Variants in ARFGEF3 observed in about 807,000 individuals in gnomAD.
The protein encoded by ARFGEF3 is ARFGEF family member 3.
A neutral mutation model predicts 221.7 loss-of-function variants in ARFGEF3; 96 were observed. The observed-to-expected ratio is 0.43, with a 90% confidence interval of 0.37 to 0.51. The LOEUF is 0.51. Ranked by LOEUF, ARFGEF3 falls within the 20% of genes least tolerant of loss-of-function variation. The pLI, the probability that ARFGEF3 is intolerant of heterozygous loss-of-function variation, is 0.00. For missense variants in ARFGEF3, 2,410 were observed against 2,789.9 expected (o/e 0.86, Z 3.07); for synonymous variants, 1,145 against 1,126.8 (o/e 1.02, Z -0.32).
Position 138,334,091 on chromosome 6 carries a change from C to G in ARFGEF3, c.5245C>G (p.Gln1749Glu), listed in dbSNP as rs1190627394. The change falls in exon 33 of 34, where the codon CAA (glutamine) becomes GAA (glutamate). Residue 1749 changes from glutamine (Q) to glutamate (E), a missense_variant. Physicochemically the swap from Gln to Glu is conservative, Grantham distance 29 (BLOSUM62 2). This residue lies in a region of ARFGEF3 where 723 missense variants were observed against 991.9 expected (regional missense o/e 0.73). Coordinates refer to ENST00000251691, the MANE Select transcript of ARFGEF3 (RefSeq NM_020340.5). This position sits in a 1 kb window ranked among gnomAD's most constrained non-coding sequence, Gnocchi z 5.1. ...GPSPGEEKTIQVPEAKLAGFL... is the reference protein window; with the variant it reads ...GPSPGEEKTIEVPEAKLAGFL... ...CTCTCCTGGAGAGGAAAAGACGATA[C>G]AAGTGCCAGAAGCCAAGCTGGCTGG... is the stretch of plus-strand genomic sequence containing the variant. 6 of 1,613,788 alleles carry G rather than the reference C, an allele frequency of 3.7e-6. No individual in the cohort carries two copies. In the African/African-American group the frequency reaches 5.3e-5, roughly 14 times the overall value.
chr6:138,196,668 A>G (rs1353601838), intron 2 of ARFGEF3, among the ~76,000 whole-genome samples: 1 of 152,194 alleles, frequency 6.6e-6, no homozygotes, highest in Non-Finnish European at 1.5e-5. Flanking sequence ...TGTTTCTTCA[A>G]TAGTAAGTTA....
intron 22 of ARFGEF3, among the ~76,000 whole-genome samples, chr6:138,306,966 A>G (rs1437078543): frequency 1.3e-5 from 2 of 151,742 alleles, no homozygotes; most frequent in Non-Finnish European, 2.9e-5. Flanking sequence ...AAAAAAAAAA[A>G]AAAAAGAAAA....
chr6:138,287,569 T>A (rs749522210), intron 17 of ARFGEF3, among the ~76,000 whole-genome samples: 7 of 152,206 alleles, frequency 4.6e-5, no homozygotes, highest in Admixed American at 3.3e-4. Flanking sequence ...AAGGGGAAAT[T>A]AAGCAGACGA....
intron 21 of ARFGEF3, among the ~76,000 whole-genome samples, chr6:138,297,561 G>A (rs1256556802): frequency 6.6e-6 from 1 of 152,164 alleles, no homozygotes. Context: ...ATTCTTAATA[G>A]CCCTTTTGCT....
At chr6:138,218,735 A>G (rs1180925934) in intron 4 of ARFGEF3, among the ~76,000 whole-genome samples, 1 of 152,202 alleles carries the variant, frequency 6.6e-6, no homozygotes, top group African/African-American at 2.4e-5. Context: ...CTGTGTTTGT[A>G]TGGGCAGAGA....
intron 12 of ARFGEF3, among the ~76,000 whole-genome samples, chr6:138,267,427 A>G (rs540784407): frequency 1.3e-5 from 2 of 151,900 alleles, no homozygotes; most frequent in East Asian, 3.9e-4. Flanking sequence ...CGCCTCAAAG[A>G]AAAAAAAATT....
intron 3 of ARFGEF3, 65 bp downstream of exon 3, chr6:138,207,188 C>A: frequency 8.1e-7 from 1 of 1,237,318 alleles, no homozygotes; most frequent in Non-Finnish European, 1.2e-6. Flanking sequence ...ATTGAAAGGG[C>A]AAATAGTTAA....
chr6:138,309,922 G>T (rs1036413287), intron 24 of ARFGEF3, among the ~76,000 whole-genome samples: 2 of 152,166 alleles, frequency 1.3e-5, no homozygotes, highest in African/African-American at 2.4e-5. Flanking sequence ...TCAAATGCCA[G>T]CCTCTTCCAG....
intron 9 of ARFGEF3, among the ~76,000 whole-genome samples, chr6:138,254,561 C>T (rs1778640319): frequency 6.6e-6 from 1 of 152,040 alleles, no homozygotes; most frequent in Admixed American, 6.6e-5. Flanking sequence ...GAAACCCTGT[C>T]TCTGCTAAAA....
At position 138,324,064 on chromosome 6, in the gene ARFGEF3, C is replaced by G; in HGVS notation, c.4911C>G (p.Ser1637Arg). 1 of 1,613,880 alleles carries G rather than the reference C, an allele frequency of 6.2e-7. No individual in the cohort carries two copies. Among genetic ancestry groups the G allele is most frequent in the Non-Finnish European group, 8.5e-7 (1 of 1,179,874 alleles). The change falls in exon 31 of 34, where the codon AGC becomes AGG. Residue 1637 changes from serine to arginine, a missense_variant. This residue lies in a region of ARFGEF3 where 723 missense variants were observed against 991.9 expected (regional missense o/e 0.73). Transcript: ENST00000251691. ...GCFHSGTESF[S>R]GEGCQVRVAA... Reference sequence around the variant, plus strand: ...TCCACAGCGGCACGGAGAGCTTCAGCGGGGAAGGCTGCCAGGTGCGAGTGG... The same window carrying G: ...TCCACAGCGGCACGGAGAGCTTCAGGGGGGAAGGCTGCCAGGTGCGAGTGG...
intron 10 of ARFGEF3, among the ~76,000 whole-genome samples, chr6:138,260,682 A>T (rs1778775520): frequency 1.3e-5 from 2 of 152,222 alleles, no homozygotes; most frequent in African/African-American, 4.8e-5. Context: ...GAAGAAAGTA[A>T]TTATGACAAG....
At chr6:138,247,469 C>T (rs999495470) in intron 8 of ARFGEF3, among the ~76,000 whole-genome samples, 1 of 152,166 alleles carries the variant, frequency 6.6e-6, no homozygotes, top group Admixed American at 6.5e-5. Context: ...CTGATCTGTT[C>T]TAGTGCTAAG....
intron 8 of ARFGEF3, among the ~76,000 whole-genome samples, chr6:138,249,665 T>G (rs1778545099): frequency 6.6e-6 from 1 of 152,176 alleles, no homozygotes; most frequent in Non-Finnish European, 1.5e-5. Flanking sequence ...TGTGCATATG[T>G]TTCTAGGATT....
intron 32 of ARFGEF3, among the ~76,000 whole-genome samples, chr6:138,329,893 A>G (rs1780193082): frequency 6.6e-6 from 1 of 152,116 alleles, no homozygotes; most frequent in Non-Finnish European, 1.5e-5. Flanking sequence ...ACCTGGGTGC[A>G]GGCGGGCTGA....
chr6:138,333,832 A>C, intron 32 of ARFGEF3, 138 bp from the exon 33 acceptor site: 1 of 953,240 alleles, frequency 1.0e-6, no homozygotes. Flanking sequence ...GCCTTCTTTC[A>C]TGGAAGACAT....
intron 26 of ARFGEF3, among the ~76,000 whole-genome samples, chr6:138,315,391 G>A (rs1344786776): frequency 6.6e-6 from 1 of 152,036 alleles, no homozygotes; most frequent in African/African-American, 2.4e-5. Context: ...ATCTAGAATT[G>A]GATATCATAC....
At position 138,167,813 on chromosome 6, in the gene ARFGEF3, T is replaced by A. The variant is rs573344784; in HGVS notation, c.86-2849T>A. Among the ~76,000 whole-genome samples the A allele has an allele frequency of 9.2e-5, 14 of 152,330 alleles. No individual in the cohort carries two copies. In the South Asian group the frequency reaches 2.7e-3, roughly 29 times the overall value. ...CACCTTGGAAACCCCAATCTTTTCA[T>A]GACATGCCATGTTAAAACACTGAAT... On this transcript the variant is annotated intron_variant, in intron 1 of 33. Coordinates refer to ENST00000251691, the MANE Select transcript of ARFGEF3 (RefSeq NM_020340.5).
intron 2 of ARFGEF3, among the ~76,000 whole-genome samples, chr6:138,193,490 C>G (rs1194391083): frequency 6.6e-6 from 1 of 152,160 alleles, no homozygotes; most frequent in Non-Finnish European, 1.5e-5. Context: ...CGTTATGTGT[C>G]TAACATTTCA....
At chr6:138,232,534 GTGTT>G (rs1778213140) in intron 5 of ARFGEF3, among the ~76,000 whole-genome samples, 1 of 152,148 alleles carries the variant, frequency 6.6e-6, no homozygotes, top group African/African-American at 2.4e-5. Flanking sequence ...TCATAAATGA[GTGTT>G]TGCTGGTTTG....
Sources: gnomAD v4.1 joint callset for allele counts (sites outside exome capture counted in the v4.1 genomes callset) on GRCh38, gnomAD v4.1.1 for gene constraint, gnomAD v4.1.1 regional missense constraint, Gnocchi (gnomAD v3.1) non-coding constraint, MANE v1.5 for transcripts, NCBI Gene and HGNC (gene_info 2026-07-23, HGNC 2026-07-21) for gene names.